Variants in GPR155 observed in about 807,000 individuals in gnomAD.
GPR155 encodes lysosomal cholesterol signaling protein.
Under a neutral mutation model 93.1 loss-of-function variants are expected in GPR155, and 65 were observed. That is an observed-to-expected ratio of 0.70 (90% CI 0.57 to 0.86). The LOEUF (loss-of-function observed/expected upper bound fraction) is 0.86. Among genes scored for constraint, GPR155 ranks in the 40% least tolerant of loss-of-function variants. The pLI, the probability that GPR155 is intolerant of heterozygous loss-of-function variation, is 0.00. For missense variants in GPR155, 838 were observed against 1,034.8 expected (o/e 0.81, Z 2.61); for synonymous variants, 319 against 360.1 (o/e 0.89, Z 1.29).
At chr2:174,455,793 T>G (rs1156616528) in intron 10 of GPR155, among the ~76,000 whole-genome samples, 2 of 152,210 alleles carry the variant, frequency 1.3e-5, no homozygotes, top group African/African-American at 2.4e-5. Flanking sequence ...CCAGTACCTT[T>G]GACAAAGAGA....
chr2:174,453,868 G>A lies in GPR155; in HGVS notation c.1772-27C>T, dbSNP rs564451870. 9 of 1,459,342 alleles carry A rather than the reference G, an allele frequency of 6.2e-6. No homozygotes were observed. The East Asian group carries it at 1.8e-4, about 29-fold the overall frequency. 90.4% of individuals were successfully genotyped at this position (1,459,342 alleles called of 1,614,324 possible). A position where few individuals can be genotyped will look rare whatever the true frequency, so the allele number is the denominator to read the frequency against. On this transcript the variant is annotated intron_variant, in intron 10 of 15. Transcript: ENST00000392552. ...TATATCAATCAAATAGTATGTGAGAGTAGAGCCCAACCACAACAGAAATGG... is the reference window on the plus strand; with the variant it reads ...TATATCAATCAAATAGTATGTGAGAATAGAGCCCAACCACAACAGAAATGG...
intron 13 of GPR155, among the ~76,000 whole-genome samples, chr2:174,444,205 T>C (rs983139781): frequency 3.3e-5 from 5 of 151,782 alleles, no homozygotes; most frequent in Admixed American, 2.6e-4. Context: ...TCTCCTGAGG[T>C]TGGGAGTTGG....
chr2:174,455,986 G>A (rs146849327), intron 10 of GPR155, among the ~76,000 whole-genome samples: 23,769 of 151,754 alleles, frequency 0.16, 2,343 homozygotes, highest in Non-Finnish European at 0.23. Flanking sequence ...GTCTACAGGC[G>A]TCTGCCACCA....
rs766511610 is a variant in GPR155, at chr2:174,466,534, T to C, written c.1266+10A>G. The C allele has an allele frequency of 3.6e-6, 5 of 1,380,792 alleles. No homozygotes were observed. The highest frequency in any genetic ancestry group is 1.8e-5 in the Admixed American group (1 of 54,248). The allele number at this position is 1,380,792 out of a possible 1,614,324, so 85.5% of individuals were successfully genotyped here. On this transcript the variant is annotated intron_variant, in intron 6 of 15. Coordinates refer to ENST00000392552, the MANE Select transcript of GPR155 (RefSeq NM_152529.7). ...AAAACATAGTTCTAAATATCAGTAG[T>C]TTTACTAACCTGAGCAATGAGTAAA... is the stretch of plus-strand genomic sequence containing the variant.
At chr2:174,440,918 A>G (rs1346072572) in intron 14 of GPR155, among the ~76,000 whole-genome samples, 1 of 152,228 alleles carries the variant, frequency 6.6e-6, no homozygotes, top group Non-Finnish European at 1.5e-5. Flanking sequence ...AGTTTGATAA[A>G]AAGAGAAATT....
chr2:174,480,490 ATAAAAAAGTAAT>A (rs1317235384), intron 2 of GPR155, among the ~76,000 whole-genome samples: 2 of 152,202 alleles, frequency 1.3e-5, no homozygotes, highest in Admixed American at 6.5e-5. Context: ...AATTTAAAAT[ATAAAAAAGTAAT>A]TTAAAATATA....
At chr2:174,456,204 CA>C (rs1687512591) in intron 10 of GPR155, among the ~76,000 whole-genome samples, 2 of 151,926 alleles carry the variant, frequency 1.3e-5, no homozygotes, top group Admixed American at 6.6e-5. Flanking sequence ...ATAAAGGGGT[CA>C]GGTTAGAGAT....
chr2:174,440,614 C>T (rs570069731), intron 14 of GPR155, among the ~76,000 whole-genome samples: 11 of 152,286 alleles, frequency 7.2e-5, no homozygotes, highest in Non-Finnish European at 1.5e-4. Context: ...GCAACTACAT[C>T]TTGATGATAA....
At chr2:174,459,295 C>T (rs987249183) in intron 10 of GPR155, among the ~76,000 whole-genome samples, 5 of 152,064 alleles carry the variant, frequency 3.3e-5, no homozygotes, top group African/African-American at 9.7e-5. Flanking sequence ...GTATGTGCTT[C>T]GTTTCCTAGT....
chr2:174,459,032 G>A (rs1428908853), intron 10 of GPR155, among the ~76,000 whole-genome samples: 1 of 152,108 alleles, frequency 6.6e-6, no homozygotes, highest in African/African-American at 2.4e-5. Flanking sequence ...AGGTTACGGT[G>A]AGCCAAGGGT....
intron 15 of GPR155, among the ~76,000 whole-genome samples, chr2:174,437,754 TTG>T (rs938222356): frequency 5.9e-5 from 9 of 151,730 alleles, no homozygotes; most frequent in Non-Finnish European, 1.2e-4. Context: ...CTGGCTAATT[TTG>T]TGTTTTTAGT....
chr2:174,437,340 C>G (rs369524868), intron 15 of GPR155, among the ~76,000 whole-genome samples: 9 of 151,968 alleles, frequency 5.9e-5, no homozygotes, highest in African/African-American at 2.2e-4. Context: ...AAACATTTCA[C>G]CATAAATGAA....
intron 2 of GPR155, among the ~76,000 whole-genome samples, chr2:174,479,096 C>T (rs941953688): frequency 6.6e-6 from 1 of 152,200 alleles, no homozygotes; most frequent in East Asian, 1.9e-4. Context: ...AATTATACCT[C>T]GAAATCAACA....
intron 7 of GPR155, among the ~76,000 whole-genome samples, chr2:174,463,548 AAT>A (rs1157777966): frequency 6.6e-6 from 1 of 152,196 alleles, no homozygotes; most frequent in East Asian, 1.9e-4. Context: ...GTGAAGGCCA[AAT>A]GATATTACAA....
chr2:174,442,030 C>G (rs1332744919), intron 14 of GPR155, 89 bp downstream of exon 14: 2 of 763,804 alleles, frequency 2.6e-6, no homozygotes, highest in African/African-American at 1.7e-5. Flanking sequence ...TTACAAGTAG[C>G]CACCATGCAT....
rs1200935594 is a variant in GPR155, at chr2:174,473,347, T to C, written c.478A>G (p.Thr160Ala). 3 of 1,584,928 alleles carry C rather than the reference T, an allele frequency of 1.9e-6. No homozygotes were observed. Among genetic ancestry groups the C allele is most frequent in the Non-Finnish European group, 2.6e-6 (3 of 1,167,026 alleles). Reference protein sequence around the residue: ...GYPIVEALYQTTYPEYLQYIY... With the variant: ...GYPIVEALYQATYPEYLQYIY... ...TACTGGAGATATTCTGGGTATGTAG[T>C]TTGATATAAAGCTTCAACTGCAAAA... The change falls in exon 3 of 16, where the codon ACT becomes GCT. Residue 160 changes from threonine (T) to alanine (A), a missense_variant. Transcript: ENST00000392552.
intron 2 of GPR155, among the ~76,000 whole-genome samples, chr2:174,473,867 G>A (rs1471979500): frequency 6.6e-6 from 1 of 152,198 alleles, no homozygotes; most frequent in African/African-American, 2.4e-5. Context: ...AGCTGTGTAA[G>A]AAAAGAAATG....
chr2:174,480,401 G>A (rs1688285069), intron 2 of GPR155, among the ~76,000 whole-genome samples: 1 of 152,104 alleles, frequency 6.6e-6, no homozygotes, highest in South Asian at 2.1e-4. Flanking sequence ...TTATGAGTGA[G>A]TGAATGAATG....
chr2:174,474,258 T>C (rs1051906213), intron 2 of GPR155, among the ~76,000 whole-genome samples: 3 of 152,178 alleles, frequency 2.0e-5, no homozygotes, highest in Admixed American at 2.0e-4. Context: ...TGGTCCACAG[T>C]AGCTGTGGGG....
Sources: allele counts gnomAD v4.1 joint callset (sites outside exome capture counted in the v4.1 genomes callset), GRCh38; gene constraint gnomAD v4.1.1; transcripts MANE v1.5; gene names NCBI Gene and HGNC (gene_info 2026-07-23, HGNC 2026-07-21).